The following SAMD12 variants were observed in gnomAD, a reference collection of about 807,000 sequenced individuals.
The protein encoded by SAMD12 is sterile alpha motif domain containing 12.
SAMD12 carries 9 observed loss-of-function variants against 15.0 expected under a neutral mutation model. The ratio of observed to expected loss-of-function variants is 0.60; its 90% CI spans 0.36 to 1.05. The LOEUF (loss-of-function observed/expected upper bound fraction) is 1.05, where lower values mean the gene tolerates loss of function less well. SAMD12 is among the 50% of genes least tolerant of loss of function. The pLI is 0.01. For missense variants in SAMD12, 230 were observed against 234.2 expected (o/e 0.98, Z 0.12); for synonymous variants, 86 against 90.1 (o/e 0.96, Z 0.25).
At chr8:118,434,819 G>GCAGGGAGTTAATGCTATTAGCACA (rs1586714122) in intron 3 of SAMD12, among the ~76,000 whole-genome samples, 7 of 102,970 alleles carry the variant, frequency 6.8e-5, no homozygotes, top group East Asian at 2.4e-4. Flanking sequence ...GTGTGCTTCT[G>GCAGGGAGTTAATGCTATTAGCACA]GCCGGGCGCG....
the SAMD12 span, among the ~76,000 whole-genome samples, chr8:118,141,882 A>C: frequency 6.6e-6 from 1 of 152,202 alleles, no homozygotes; most frequent in African/African-American, 2.4e-5. Flanking sequence ...CTAGGGTCCC[A>C]CCTTAGTCCT....
intron 2 of SAMD12, among the ~76,000 whole-genome samples, chr8:118,450,349 C>T (rs1823041957): frequency 6.6e-6 from 1 of 152,140 alleles, no homozygotes; most frequent in South Asian, 2.1e-4. Flanking sequence ...GAATGCACAG[C>T]CTGTCAAGAG....
intron 2 of SAMD12, among the ~76,000 whole-genome samples, chr8:118,519,383 A>T (rs1435797008): frequency 6.6e-6 from 1 of 152,204 alleles, no homozygotes; most frequent in African/African-American, 2.4e-5. Context: ...GGAAGACCCT[A>T]AATAATAAAA....
intron 1 of SAMD12, among the ~76,000 whole-genome samples, chr8:118,614,885 C>T (rs574449677): frequency 3.3e-5 from 5 of 152,168 alleles, no homozygotes; most frequent in Non-Finnish European, 4.4e-5. Flanking sequence ...CAGCTCAGAG[C>T]GGGTGGTGCT....
At chr8:118,602,236 G>A (rs1057297709) in intron 1 of SAMD12, among the ~76,000 whole-genome samples, 1 of 152,194 alleles carries the variant, frequency 6.6e-6, no homozygotes, top group East Asian at 1.9e-4. Flanking sequence ...TGTCAAATCT[G>A]AGTGTGTACA....
chr8:118,143,586 C>T, the SAMD12 span, among the ~76,000 whole-genome samples: 1 of 151,994 alleles, frequency 6.6e-6, no homozygotes, highest in Admixed American at 6.6e-5. Context: ...TTATAAATAC[C>T]CAGACTGATA....
intron 1 of SAMD12, among the ~76,000 whole-genome samples, chr8:118,615,776 A>G (rs1323097259): frequency 2.6e-5 from 4 of 152,248 alleles, no homozygotes; most frequent in Non-Finnish European, 5.9e-5. Flanking sequence ...GTGAGAAAAC[A>G]GCAAGGCAGA....
intron 1 of SAMD12, among the ~76,000 whole-genome samples, chr8:118,611,336 C>T (rs916034582): frequency 6.6e-6 from 1 of 152,042 alleles, no homozygotes; most frequent in Non-Finnish European, 1.5e-5. Context: ...CAGTAAAAAG[C>T]TTAGAAAGCA....
the SAMD12 span, among the ~76,000 whole-genome samples, chr8:118,136,120 C>T: frequency 6.6e-6 from 1 of 152,118 alleles, no homozygotes; most frequent in Non-Finnish European, 1.5e-5. Context: ...ACCTCTGTCC[C>T]CTGGGTTCAA....
chr8:118,517,888 G>A (rs1825288790), intron 2 of SAMD12, among the ~76,000 whole-genome samples: 1 of 152,112 alleles, frequency 6.6e-6, no homozygotes, highest in Non-Finnish European at 1.5e-5. Context: ...ACATGTAACT[G>A]GAAATGTTGT....
chr8:118,206,707 T>G (rs572065797), intron 4 of SAMD12, among the ~76,000 whole-genome samples: 2 of 152,360 alleles, frequency 1.3e-5, no homozygotes, highest in South Asian at 2.1e-4. Flanking sequence ...TGCTTAGAAA[T>G]GCCCCAGAGA....
chr8:118,615,357 G>A (rs1472293921), intron 1 of SAMD12, among the ~76,000 whole-genome samples: 4 of 152,102 alleles, frequency 2.6e-5, no homozygotes, highest in Admixed American at 2.6e-4. Flanking sequence ...ATATCATTCA[G>A]TCTAATCTGC....
intron 1 of SAMD12, among the ~76,000 whole-genome samples, chr8:118,600,094 G>A (rs1827823469): frequency 1.3e-5 from 2 of 152,164 alleles, no homozygotes; most frequent in Non-Finnish European, 2.9e-5. Context: ...TCTCATAATT[G>A]TAAGGGTCTT....
chr8:118,189,169 G>A (rs575684100), downstream of SAMD12, among the ~76,000 whole-genome samples: 4 of 152,248 alleles, frequency 2.6e-5, no homozygotes, highest in South Asian at 8.3e-4. Context: ...ACACTAAAGA[G>A]TTCACCAGTC....
the SAMD12 span, among the ~76,000 whole-genome samples, chr8:118,139,598 T>A: frequency 6.6e-6 from 1 of 152,198 alleles, no homozygotes; most frequent in Non-Finnish European, 1.5e-5. Context: ...CCTCAAGTGA[T>A]CTTCCTGACT....
intron 4 of SAMD12, among the ~76,000 whole-genome samples, chr8:118,203,026 G>T (rs1563692847): frequency 6.6e-6 from 1 of 152,168 alleles, no homozygotes. Context: ...ATGACAGCAG[G>T]GTCGTTAGCT....
chr8:118,416,976 C>T (rs753378768), intron 3 of SAMD12, among the ~76,000 whole-genome samples: 3 of 152,068 alleles, frequency 2.0e-5, no homozygotes, highest in African/African-American at 4.8e-5. Flanking sequence ...AACATCACCC[C>T]GGTTTTTAAT....
intron 4 of SAMD12, among the ~76,000 whole-genome samples, chr8:118,346,087 AG>A (rs1231778938): frequency 2.0e-5 from 3 of 152,202 alleles, no homozygotes; most frequent in African/African-American, 7.2e-5. Flanking sequence ...ATAATTATCG[AG>A]GGATGTCACA....
intron 2 of SAMD12, among the ~76,000 whole-genome samples, chr8:118,564,600 C>T (rs188706195): frequency 2.0e-5 from 3 of 152,314 alleles, no homozygotes; most frequent in Admixed American, 1.3e-4. Flanking sequence ...AACAGTTAAG[C>T]ATACCCATCT....
Sources: gnomAD v4.1 joint callset for allele counts (sites outside exome capture counted in the v4.1 genomes callset) on GRCh38, gnomAD v4.1.1 for gene constraint, MANE v1.5 for transcripts, NCBI Gene and HGNC (gene_info 2026-07-23, HGNC 2026-07-21) for gene names.